The following ALDH1A1 variants were observed in gnomAD, a reference collection of about 807,000 sequenced individuals.
ALDH1A1 encodes aldehyde dehydrogenase 1A1.
In ALDH1A1, 19 loss-of-function variants were observed where a neutral mutation model predicts 62.1. The observed-to-expected ratio is 0.31, with a 90% CI of 0.21 to 0.45. ALDH1A1 has a LOEUF of 0.45. ALDH1A1 is among the 20% of genes least tolerant of loss of function. ALDH1A1 has a pLI of 1.00. For missense variants in ALDH1A1, 521 were observed against 607.1 expected (o/e 0.86, Z 1.49); for synonymous variants, 231 against 215.9 (o/e 1.07, Z -0.61).
chr9:72,914,776 T>C (rs1830039423), intron 9 of ALDH1A1, among the ~76,000 whole-genome samples: 1 of 152,042 alleles, frequency 6.6e-6, no homozygotes, highest in South Asian at 2.1e-4. Flanking sequence ...CCCCAAATAA[T>C]TTGTAATGTT....
chr9:72,932,957 C>A (rs115381614), intron 2 of ALDH1A1, among the ~76,000 whole-genome samples: 1 of 152,132 alleles, frequency 6.6e-6, no homozygotes, highest in Middle Eastern at 3.2e-3. Flanking sequence ...CAAAGGGATA[C>A]GGAGAACTGG....
chr9:72,922,678 T>C (rs566070433), intron 7 of ALDH1A1, among the ~76,000 whole-genome samples: 1 of 152,328 alleles, frequency 6.6e-6, no homozygotes, highest in South Asian at 2.1e-4. Context: ...AACAGGCACA[T>C]GGATTCCCTA....
chr9:72,951,671 C>T (rs565576261), intron 1 of ALDH1A1, among the ~76,000 whole-genome samples: 15 of 151,836 alleles, frequency 9.9e-5, no homozygotes, highest in African/African-American at 3.6e-4. Context: ...CTCTTGCAAC[C>T]TTTTGGACAT....
chr9:72,910,240 T>C (rs929383046), intron 10 of ALDH1A1, among the ~76,000 whole-genome samples: 1 of 152,226 alleles, frequency 6.6e-6, no homozygotes, highest in African/African-American at 2.4e-5. Flanking sequence ...TTTAAATACC[T>C]GTATGCCATT....
intron 5 of ALDH1A1, 21 bp downstream of exon 5, chr9:72,927,094 AT>A (rs1328692153): frequency 9.0e-6 from 14 of 1,555,064 alleles, no homozygotes; most frequent in Non-Finnish European, 1.2e-5. Flanking sequence ...AAAATTGAGA[AT>A]TATATAGGAG....
chr9:72,931,068 G>A lies in ALDH1A1; in HGVS notation c.172-49C>T, dbSNP rs555488523. ...TCAGTAAGCTAAACATATTAGGCAA[G>A]CAAATTTAATGCCAATAACCCTGTA... On this transcript the variant is annotated intron_variant, in intron 2 of 12. Transcript: ENST00000297785. 53 of 1,609,248 alleles carry A rather than the reference G, an allele frequency of 3.3e-5. 1 individual carries two copies. In the South Asian group the frequency reaches 3.7e-4, roughly 11 times the overall value.
At position 72,912,035 on chromosome 9, in the gene ALDH1A1, A is replaced by T; in HGVS notation, c.1123T>A (p.Trp375Arg). The T allele has an allele frequency of 6.2e-7, 1 of 1,613,882 alleles. No homozygotes were observed. Among genetic ancestry groups the T allele is most frequent in the Non-Finnish European group, 8.5e-7 (1 of 1,179,862 alleles). The change falls in exon 10 of 13, where the codon TGG becomes AGG. Residue 375 changes from tryptophan (W) to arginine (R), a missense_variant. Coordinates refer to ENST00000297785, the MANE Select transcript of ALDH1A1 (RefSeq NM_000689.5). Reference sequence around the variant, plus strand: ...TGGACAAAGTAGCCTTTATTCCCCCACGGGCCTCCTCCACATTCCAGTTTG... The same window carrying T: ...TGGACAAAGTAGCCTTTATTCCCCCTCGGGCCTCCTCCACATTCCAGTTTG... ...GAKLECGGGP[W>R]GNKGYFVQPT...
intron 2 of ALDH1A1, among the ~76,000 whole-genome samples, chr9:72,938,628 G>T (rs1295345210): frequency 6.6e-6 from 1 of 152,008 alleles, no homozygotes; most frequent in Non-Finnish European, 1.5e-5. Flanking sequence ...TGTATTTTCA[G>T]TAGAGACGAG....
intron 9 of ALDH1A1, among the ~76,000 whole-genome samples, chr9:72,916,409 C>T (rs142581329): frequency 6.6e-6 from 1 of 152,102 alleles, no homozygotes; most frequent in African/African-American, 2.4e-5. Flanking sequence ...TGGGCTTTAA[C>T]AACTGAAATA....
intron 7 of ALDH1A1, among the ~76,000 whole-genome samples, chr9:72,922,335 A>G (rs1196528712): frequency 6.6e-6 from 1 of 152,166 alleles, no homozygotes; most frequent in African/African-American, 2.4e-5. Context: ...TTAAACCAAG[A>G]TATTTTCTAG....
rs1367261760 is a variant in ALDH1A1 at position 72,952,106 on chromosome 9, A to G, written c.66+829T>C. ...GATTTGCAAGAGTTAATTTCTTACC[A>G]TACTTTCTGCATCACACCATAAAGA... On this transcript the variant is annotated intron_variant, in intron 1 of 12. Coordinates refer to ENST00000297785, the MANE Select transcript of ALDH1A1 (RefSeq NM_000689.5). Among the ~76,000 whole-genome samples, 5 of 151,968 alleles carry G rather than the reference A, an allele frequency of 3.3e-5. No individual in the cohort carries two copies. The East Asian group carries it at 7.7e-4, about 23-fold the overall frequency.
chr9:72,921,613 C>G (rs191490385), intron 7 of ALDH1A1, among the ~76,000 whole-genome samples: 1 of 145,378 alleles, frequency 6.9e-6, no homozygotes, highest in East Asian at 2.0e-4. Flanking sequence ...CATGCTGGTG[C>G]GCTGCACCCA....
chr9:72,952,093 T>A (rs1371989188), intron 1 of ALDH1A1, among the ~76,000 whole-genome samples: 1 of 151,934 alleles, frequency 6.6e-6, no homozygotes, highest in Non-Finnish European at 1.5e-5. Flanking sequence ...TTTGCAAGAG[T>A]TAATTTCTTA....
rs8187875 is a variant in ALDH1A1, at chr9:72,950,434, T to C, written c.66+2501A>G. 6.8e-3 allele frequency among the ~76,000 whole-genome samples: 1,026 copies of C among 151,992 alleles called. 12 individuals carry two copies. The highest frequency in any genetic ancestry group is 0.023 in the African/African-American group (961 of 41,522). On this transcript the variant is annotated intron_variant, in intron 1 of 12. Transcript: ENST00000297785. The stretch of plus-strand genomic sequence containing the variant: ...GTTCATATTAGTGAATTTATAGCGA[T>C]GTTTTTGAGGTTTTAAATTCCAAAA...
chr9:72,902,912 G>A (rs1829825351), intron 12 of ALDH1A1, among the ~76,000 whole-genome samples: 1 of 151,578 alleles, frequency 6.6e-6, no homozygotes, highest in Admixed American at 6.6e-5. Context: ...GTTGGCATTG[G>A]TAATAAACTT....
chr9:72,938,170 A>G (rs1023688236), intron 2 of ALDH1A1, among the ~76,000 whole-genome samples: 1 of 152,148 alleles, frequency 6.6e-6, no homozygotes, highest in Non-Finnish European at 1.5e-5. Flanking sequence ...AATTAACTAA[A>G]ACACATTGTC....
At chr9:72,902,093 G>T (rs1430422985) in intron 12 of ALDH1A1, among the ~76,000 whole-genome samples, 2 of 151,750 alleles carry the variant, frequency 1.3e-5, no homozygotes, top group Middle Eastern at 6.8e-3. Context: ...CCATTTTCTT[G>T]TATAACTCTT....
chr9:72,921,240 C>T (rs1192631297), intron 7 of ALDH1A1, among the ~76,000 whole-genome samples: 7 of 79,082 alleles, frequency 8.9e-5, no homozygotes, highest in African/African-American at 2.1e-4. Flanking sequence ...CGACTCCTCT[C>T]AAAAAAAAAA....
intron 2 of ALDH1A1, among the ~76,000 whole-genome samples, chr9:72,938,143 G>A (rs893832095): frequency 3.3e-5 from 5 of 152,044 alleles, no homozygotes; most frequent in African/African-American, 1.2e-4. Flanking sequence ...AGACTGGCAG[G>A]AACATGTGAT....
Sources: gnomAD v4.1 joint callset for allele counts (sites outside exome capture counted in the v4.1 genomes callset) on GRCh38, gnomAD v4.1.1 for gene constraint, MANE v1.5 for transcripts, NCBI Gene and HGNC (gene_info 2026-07-23, HGNC 2026-07-21) for gene names.